CSMD3: variants seen among roughly 807,000 people sequenced by gnomAD.
CSMD3 encodes the protein CUB and sushi domain-containing protein 3.
CSMD3 carries 177 observed loss-of-function variants against 435.2 expected under a neutral mutation model. That is an observed-to-expected ratio of 0.41 (90% confidence interval 0.36 to 0.46). The LOEUF is 0.46. Ranked by LOEUF, CSMD3 falls within the 20% of genes least tolerant of loss-of-function variation. The pLI, the probability that CSMD3 is intolerant of heterozygous loss-of-function variation, is 0.34. For missense variants in CSMD3, 4,265 were observed against 4,504.6 expected (o/e 0.95, Z 1.52); for synonymous variants, 1,656 against 1,520.5 (o/e 1.09, Z -2.07).
chr8:112,298,860 G>A (rs1245788629), intron 53 of CSMD3, among the ~76,000 whole-genome samples: 1 of 152,110 alleles, frequency 6.6e-6, no homozygotes, highest in Non-Finnish European at 1.5e-5. Context: ...CATGTATTCT[G>A]TTGTGAGTAT....
intron 13 of CSMD3, among the ~76,000 whole-genome samples, chr8:112,725,408 G>A (rs2076942167): frequency 6.7e-6 from 1 of 149,758 alleles, no homozygotes; most frequent in Non-Finnish European, 1.5e-5. Context: ...AGATCTGGTA[G>A]TAGATATGGC....
chr8:113,226,041 G>A (rs1340417685), intron 3 of CSMD3, among the ~76,000 whole-genome samples: 3 of 151,390 alleles, frequency 2.0e-5, no homozygotes, highest in African/African-American at 7.3e-5. Context: ...AAAGAAGGAT[G>A]TGTTTGCTTC....
chr8:112,386,361 G>T (rs901458274), intron 36 of CSMD3, among the ~76,000 whole-genome samples: 17 of 152,054 alleles, frequency 1.1e-4, no homozygotes, highest in African/African-American at 3.4e-4. Context: ...ATGTAGTTTG[G>T]CATAATAAAA....
intron 1 of CSMD3, among the ~76,000 whole-genome samples, chr8:113,346,124 C>T (rs2094149499): frequency 6.6e-6 from 1 of 151,986 alleles, no homozygotes; most frequent in Non-Finnish European, 1.5e-5. Context: ...TTTTCTTCCA[C>T]CTGGAACAAA....
chr8:112,958,414 A>G (rs979013800), intron 7 of CSMD3, among the ~76,000 whole-genome samples: 10 of 152,216 alleles, frequency 6.6e-5, no homozygotes, highest in African/African-American at 2.4e-4. Context: ...ATATCAGGCC[A>G]GCAATCAAAT....
Position 112,314,154 on chromosome 8 carries a change from T to C in CSMD3, c.7550-102A>G, listed in dbSNP as rs1477282647. The stretch of plus-strand genomic sequence containing the variant: ...ATAGTATTAAATATGGTTAAATTGC[T>C]TCACCACCAATCTACCTCATTAACA... On this transcript the variant is annotated intron_variant, in intron 48 of 70. Coordinates refer to ENST00000297405, the MANE Select transcript of CSMD3 (RefSeq NM_198123.2). 5.5e-6 allele frequency: 5 copies of C among 903,214 alleles called. No individual in the cohort carries two copies. The Admixed American group carries it at 6.2e-5, about 11-fold the overall frequency. 55.9% of individuals were successfully genotyped at this position (903,214 alleles called of 1,614,324 possible). A position where few individuals can be genotyped will look rare whatever the true frequency, so the allele number is the denominator to read the frequency against.
At chr8:113,019,875 T>C (rs1040392537) in intron 5 of CSMD3, among the ~76,000 whole-genome samples, 14 of 152,006 alleles carry the variant, frequency 9.2e-5, no homozygotes, top group African/African-American at 3.4e-4. Flanking sequence ...TTAGAATATA[T>C]AATTCTGGCC....
chr8:113,239,591 T>A (rs1420649296), intron 3 of CSMD3, among the ~76,000 whole-genome samples: 1 of 152,064 alleles, frequency 6.6e-6, no homozygotes, highest in Non-Finnish European at 1.5e-5. Flanking sequence ...GATTTTGGCA[T>A]GAAGAAGTGG....
At chr8:112,279,186 T>A (rs1340558234) in intron 59 of CSMD3, among the ~76,000 whole-genome samples, 1 of 152,174 alleles carries the variant, frequency 6.6e-6, no homozygotes, top group Non-Finnish European at 1.5e-5. Context: ...GGATTTCACA[T>A]CTCCACAATA....
chr8:112,792,098 T>C (rs1342854840), intron 13 of CSMD3, among the ~76,000 whole-genome samples: 2 of 152,218 alleles, frequency 1.3e-5, no homozygotes, highest in Non-Finnish European at 2.9e-5. Context: ...TTATTAAATA[T>C]GTTTCTGCAA....
At chr8:112,714,687 C>T (rs1446834609) in intron 13 of CSMD3, among the ~76,000 whole-genome samples, 4 of 151,952 alleles carry the variant, frequency 2.6e-5, no homozygotes, top group Non-Finnish European at 2.9e-5. Context: ...AAAGCTCCTC[C>T]GCAAATGCAA....
intron 2 of CSMD3, among the ~76,000 whole-genome samples, chr8:113,308,970 A>G (rs1050785946): frequency 2.6e-5 from 4 of 151,984 alleles, no homozygotes; most frequent in Non-Finnish European, 4.4e-5. Flanking sequence ...GTTTTTAGAG[A>G]CAGGGTCTGG....
At chr8:112,921,152 T>A (rs1012677322) in intron 10 of CSMD3, among the ~76,000 whole-genome samples, 1 of 151,804 alleles carries the variant, frequency 6.6e-6, no homozygotes, top group Admixed American at 6.6e-5. Flanking sequence ...GAATTATTGA[T>A]AATGTGACAT....
chr8:113,064,428 G>A (rs1369824729), intron 5 of CSMD3, among the ~76,000 whole-genome samples: 1 of 152,026 alleles, frequency 6.6e-6, no homozygotes, highest in African/African-American at 2.4e-5. Context: ...AGCAAATCAT[G>A]AGGCAATAAG....
chr8:113,243,900 T>A (rs993542714), intron 3 of CSMD3, among the ~76,000 whole-genome samples: 4 of 152,180 alleles, frequency 2.6e-5, no homozygotes, highest in Admixed American at 2.6e-4. Context: ...TATTTTAATA[T>A]CTTTTTTGTA....
At chr8:112,863,425 T>A (rs1239391367) in intron 10 of CSMD3, among the ~76,000 whole-genome samples, 1 of 151,906 alleles carries the variant, frequency 6.6e-6, no homozygotes, top group African/African-American at 2.4e-5. Context: ...ATACCATTTA[T>A]ATTATATTTA....
Position 112,914,819 on chromosome 8 carries a change from C to T in CSMD3, c.1633+6808G>A, listed in dbSNP as rs573159239. Among the ~76,000 whole-genome samples the T allele has an allele frequency of 4.0e-5, 6 of 151,858 alleles. No homozygotes were observed. The East Asian group carries it at 9.8e-4, about 25-fold the overall frequency. ...GACATTCTAAAGGTTACAGTGTGAT[C>T]ACTTTTATCTATAAACCCTCCTTCC... is the stretch of plus-strand genomic sequence containing the variant. On this transcript the variant is annotated intron_variant, in intron 10 of 70. Coordinates refer to ENST00000297405, the MANE Select transcript of CSMD3 (RefSeq NM_198123.2).
intron 22 of CSMD3, among the ~76,000 whole-genome samples, chr8:112,616,965 T>C (rs542594490): frequency 2.0e-5 from 3 of 152,300 alleles, no homozygotes; most frequent in African/African-American, 7.2e-5. Flanking sequence ...GGAAAAGGCC[T>C]GGTGGCAATT....
chr8:112,745,832 T>C (rs554455222), intron 13 of CSMD3, among the ~76,000 whole-genome samples: 4 of 152,122 alleles, frequency 2.6e-5, no homozygotes, highest in Non-Finnish European at 4.4e-5. Context: ...ATACTTTAAA[T>C]GTCTAACATA....
Sources: allele counts gnomAD v4.1 joint callset (sites outside exome capture counted in the v4.1 genomes callset), GRCh38; gene constraint gnomAD v4.1.1; transcripts MANE v1.5; gene names NCBI Gene and HGNC (gene_info 2026-07-23, HGNC 2026-07-21).